Variants in PARG observed in about 807,000 individuals in gnomAD.
PARG encodes the protein mitochondrial poly(ADP-ribose) glycohydrolase.
Under a neutral mutation model 113.0 loss-of-function variants are expected in PARG, and 35 were observed. The ratio of observed to expected loss-of-function variants is 0.31; its 90% CI spans 0.24 to 0.41. PARG has a LOEUF of 0.41. PARG is among the 10% of genes least tolerant of loss of function. The probability of loss-of-function intolerance (pLI) is 1.00; values close to 1 mark genes in which losing one functional copy is unlikely to be tolerated. For synonymous variants in PARG, 330 were observed against 409.9 expected, an observed-to-expected ratio of 0.81 and a Z score of 2.36; for missense variants, 797 against 1,169.4, an observed-to-expected ratio of 0.68 and a Z score of 4.64.
chr10:49,842,196 A>AG (rs1845277958), intron 14 of PARG, 138 bp from the exon 15 acceptor site: 1 of 615,734 alleles, frequency 1.6e-6, no homozygotes. Context: ...TCTGAGCAAA[A>AG]GGAAAGGAAA....
chr10:49,869,924 T>C (rs1162548548), intron 9 of PARG, among the ~76,000 whole-genome samples: 1 of 152,100 alleles, frequency 6.6e-6, no homozygotes, highest in Admixed American at 6.5e-5. Flanking sequence ...TGTTACTACG[T>C]AGTTTGATAA....
chr10:49,849,200 A>T (rs1845648329), intron 13 of PARG, among the ~76,000 whole-genome samples: 2 of 150,324 alleles, frequency 1.3e-5, no homozygotes. Flanking sequence ...CGTCTCAAAA[A>T]AAAAGTCAAT....
At chr10:49,899,012 G>A (rs1554843369) in intron 7 of PARG, among the ~76,000 whole-genome samples, 1 of 152,154 alleles carries the variant, frequency 6.6e-6, no homozygotes, top group Non-Finnish European at 1.5e-5. Flanking sequence ...CTACAACAGT[G>A]GTGTTCATAT....
chr10:49,935,756 A>C (rs1344714808), intron 1 of PARG, among the ~76,000 whole-genome samples: 4 of 152,180 alleles, frequency 2.6e-5, no homozygotes, highest in Non-Finnish European at 5.9e-5. Flanking sequence ...ATAAAGAGAA[A>C]ATTATAAGCA....
rs375485366 is a variant in PARG, at chr10:49,857,722, CT to C, written c.2206-270del. 5.0e-3 allele frequency among the ~76,000 whole-genome samples: 760 copies of C among 151,990 alleles called. 4 individuals carry two copies. Among genetic ancestry groups the C allele is most frequent in the African/African-American group, 0.013 (545 of 41,420 alleles). On this transcript the variant is annotated intron_variant, in intron 12 of 17. Coordinates refer to ENST00000616448, the MANE Select transcript of PARG (RefSeq NM_003631.5). ...GGCAAAATATTATGTATCATACAGA[CT>C]CTTGTTTATAAACCTATTTGTGTCT...
intron 7 of PARG, among the ~76,000 whole-genome samples, chr10:49,890,348 T>C (rs1381470258): frequency 6.6e-6 from 1 of 152,170 alleles, no homozygotes; most frequent in Non-Finnish European, 1.5e-5. Context: ...TATATTTCAG[T>C]CAGGATTGAT....
In PARG at chr10:49,819,302, T is replaced by C. The variant is rs368876411; in HGVS notation, c.*38A>G. ...CCTGACAGCTCAAACAGGACGTCTC[T>C]GGTGGGAGGTGGGAGGAGATGCTAT... On this transcript the variant is annotated 3_prime_UTR_variant, in exon 18 of 18. Transcript: ENST00000616448. The C allele has an allele frequency of 1.5e-4, 226 of 1,523,318 alleles. No individual in the cohort carries two copies. In the East Asian group the frequency reaches 4.4e-3, roughly 30 times the overall value. 94.4% of individuals were successfully genotyped at this position (1,523,318 alleles called of 1,614,324 possible).
intron 4 of PARG, among the ~76,000 whole-genome samples, chr10:49,927,981 A>G (rs560403617): frequency 7.2e-4 from 109 of 151,984 alleles, no homozygotes; most frequent in East Asian, 2.7e-3. Flanking sequence ...AAAAAAAAAA[A>G]AAGAAGAAGG....
chr10:49,922,573 G>C lies in PARG; in HGVS notation c.1552C>G (p.Gln518Glu). 6.2e-7 allele frequency: 1 copy of C among 1,610,920 alleles called. No individual in the cohort carries two copies. The highest frequency in any genetic ancestry group is 8.5e-7 in the Non-Finnish European group (1 of 1,179,496). The change falls in exon 5 of 18, where the codon CAA (glutamine) becomes GAA (glutamate). Residue 518 changes from glutamine to glutamate, a missense_variant. Transcript: ENST00000616448. ...TCATCTTCCACTGGGTACAAATTTT[G>C]TTCTGAACAAGGCATTTTAACATGC... ...NKHVKMPCSEQNLYPVEDENG... is the reference protein window; with the variant it reads ...NKHVKMPCSEENLYPVEDENG...
Position 49,819,199 on chromosome 10 carries a change from TG to T in PARG, c.*140del. 1 of 644,206 alleles carries T rather than the reference TG, an allele frequency of 1.6e-6. No homozygotes were observed. The highest frequency in any genetic ancestry group is 2.7e-6 in the Non-Finnish European group (1 of 374,078). The allele number at this position is 644,206 out of a possible 1,614,324, so 39.9% of individuals were successfully genotyped here. Reference sequence around the variant, plus strand: ...GTACCAACTGACAACTGCACATGTGTGGAAGAGATTGCGTCCTTGACTACAA... The same window carrying T: ...GTACCAACTGACAACTGCACATGTGTGAAGAGATTGCGTCCTTGACTACAA... On this transcript the variant is annotated 3_prime_UTR_variant, in exon 18 of 18. Transcript: ENST00000616448.
rs1413858284 is a variant in PARG at position 49,818,775 on chromosome 10, T to A, written c.*565A>T. On this transcript the variant is annotated 3_prime_UTR_variant, in exon 18 of 18. Transcript: ENST00000616448. ...TTTCTGGAAATTATTCTATCTTAAA[T>A]AAAGAAACTATTTTAACCTAGGAGG... 1 of 152,190 alleles carries A rather than the reference T, an allele frequency of 6.6e-6. No individual in the cohort carries two copies. The highest frequency in any genetic ancestry group is 1.5e-5 in the Non-Finnish European group (1 of 68,062). The allele number at this position is 152,190 out of a possible 1,614,324, so 9.4% of individuals were successfully genotyped here. A position where few individuals can be genotyped will look rare whatever the true frequency, so the allele number is the denominator to read the frequency against.
intron 16 of PARG, among the ~76,000 whole-genome samples, chr10:49,820,558 A>T (rs1844020512): frequency 6.6e-6 from 1 of 151,588 alleles, no homozygotes; most frequent in Non-Finnish European, 1.5e-5. Context: ...CCTACTAAAA[A>T]TACAAAAAAA....
intron 1 of PARG, among the ~76,000 whole-genome samples, chr10:49,938,050 A>G (rs1177328344): frequency 6.6e-6 from 1 of 152,204 alleles, no homozygotes; most frequent in African/African-American, 2.4e-5. Flanking sequence ...CAGCAAGGCA[A>G]AAAGAGTGGC....
chr10:49,848,729 T>C (rs1254145683), intron 13 of PARG, among the ~76,000 whole-genome samples: 1 of 152,132 alleles, frequency 6.6e-6, no homozygotes, highest in Non-Finnish European at 1.5e-5. Flanking sequence ...TGAAAATCAA[T>C]TGCATTTCCA....
intron 2 of PARG, among the ~76,000 whole-genome samples, chr10:49,934,505 GT>G (rs1410578985): frequency 1.3e-5 from 2 of 151,942 alleles, no homozygotes. Flanking sequence ...ACACCAGGCA[GT>G]AATTATGTGT....
At chr10:49,843,704 A>G (rs951482458) in intron 13 of PARG, 72 bp from the exon 14 acceptor site, 2 of 1,010,660 alleles carry the variant, frequency 2.0e-6, no homozygotes, top group Non-Finnish European at 3.1e-6. Context: ...ATAACATGGC[A>G]AGAATAACTT....
At chr10:49,831,294 G>T (rs1276115048) in intron 16 of PARG, among the ~76,000 whole-genome samples, 1 of 152,050 alleles carries the variant, frequency 6.6e-6, no homozygotes, top group Non-Finnish European at 1.5e-5. Flanking sequence ...GAGGGGAAAG[G>T]CAGTTACATT....
At chr10:49,846,535 G>T (rs1845519764) in intron 13 of PARG, among the ~76,000 whole-genome samples, 1 of 152,050 alleles carries the variant, frequency 6.6e-6, no homozygotes, top group African/African-American at 2.4e-5. Flanking sequence ...TATTTAACAG[G>T]TTTACTTTTT....
At chr10:49,905,702 T>C (rs564173194) in intron 7 of PARG, among the ~76,000 whole-genome samples, 12 of 152,226 alleles carry the variant, frequency 7.9e-5, no homozygotes, top group Middle Eastern at 3.4e-3. Flanking sequence ...ATTTGCGTAA[T>C]ACAACCTGGG....
Sources: allele counts gnomAD v4.1 joint callset (sites outside exome capture counted in the v4.1 genomes callset), GRCh38; gene constraint gnomAD v4.1.1; transcripts MANE v1.5; gene names NCBI Gene and HGNC (gene_info 2026-07-23, HGNC 2026-07-21).